Variants in LMF1 observed in about 807,000 individuals in gnomAD.
LMF1 encodes the protein transmembrane protein 112.
Under a neutral mutation model 60.6 loss-of-function variants are expected in LMF1, and 68 were observed. The ratio of observed to expected loss-of-function variants is 1.12; its 90% CI spans 0.92 to 1.37. The LOEUF is 1.37. Ranked by LOEUF, LMF1 falls within the 40% of genes most tolerant of loss-of-function variation. The pLI, the probability that LMF1 is intolerant of heterozygous loss-of-function variation, is 0.00. For synonymous variants in LMF1, 418 were observed against 324.7 expected (o/e 1.29, Z -3.09); for missense variants, 948 against 767.2 (o/e 1.24, Z -2.78).
At chr16:953,916 CCCCAAACCA>C (rs2072576647) in intron 2 of LMF1, among the ~76,000 whole-genome samples, 1 of 106,064 alleles carries the variant, frequency 9.4e-6, no homozygotes, top group Admixed American at 9.7e-5. Context: ...CAGACACCCA[CCCCAAACCA>C]GCTTCCTACA....
chr16:887,544 C>T (rs1284175072), intron 5 of LMF1, among the ~76,000 whole-genome samples: 1 of 152,152 alleles, frequency 6.6e-6, no homozygotes, highest in African/African-American at 2.4e-5. Flanking sequence ...GGGCCATGTC[C>T]CTGGGGGGCG....
Position 878,674 on chromosome 16 carries a change from G to A in LMF1, c.897+896C>T, listed in dbSNP as rs1596885354. Among the ~76,000 whole-genome samples, 1 of 151,526 alleles carries A rather than the reference G, an allele frequency of 6.6e-6. No individual in the cohort carries two copies. The highest frequency in any genetic ancestry group is 2.1e-4 in the South Asian group (1 of 4,812). On this transcript the variant is annotated intron_variant, in intron 6 of 10. Transcript: ENST00000262301. This position sits in a 1 kb window ranked among gnomAD's most constrained non-coding sequence, Gnocchi z 5.2. The stretch of plus-strand genomic sequence containing the variant: ...CGTGCACCAACGTGGCGTGGCACCC[G>A]TGCCTGCTGACGGAGCTTTGCCCCT...
chr16:969,229 C>A lies in LMF1; in HGVS notation c.193+1559G>T, dbSNP rs148004867. Among the ~76,000 whole-genome samples the A allele has an allele frequency of 1.1e-4, 16 of 152,226 alleles. 1 individual carries two copies. In the East Asian group the frequency reaches 3.1e-3, roughly 29 times the overall value. On this transcript the variant is annotated intron_variant, in intron 1 of 10. Transcript: ENST00000262301. ...ACTCGGAAGGCTGAGGCAGGAGAAT[C>A]GCTTGAACCCAGGAGACGGAGGTTG...
At position 897,884 on chromosome 16, in the gene LMF1, T is replaced by C. The variant is rs192036340; in HGVS notation, c.664-4812A>G. 2.6e-5 allele frequency among the ~76,000 whole-genome samples: 4 copies of C among 152,304 alleles called. No homozygotes were observed. The highest frequency in any genetic ancestry group is 4.8e-5 in the African/African-American group (2 of 41,576). On this transcript the variant is annotated intron_variant, in intron 4 of 10. Transcript: ENST00000262301. The surrounding 1 kb of genome is among the most constrained non-coding windows in gnomAD (Gnocchi z 4.3). ...GCCCTCATGCAAGAGAGAACTGGCA[T>C]GGGAGGTGGGCTCCGCCCCCGAGTG...
intron 2 of LMF1, among the ~76,000 whole-genome samples, chr16:944,658 G>A (rs1229224561): frequency 3.9e-5 from 6 of 152,212 alleles, no homozygotes; most frequent in African/African-American, 7.2e-5. Context: ...TGCCATGGAC[G>A]GGCATGGAGT....
chr16:894,792 G>A lies in LMF1; in HGVS notation c.664-1720C>T, dbSNP rs553120473. 3.9e-4 allele frequency among the ~76,000 whole-genome samples: 60 copies of A among 152,348 alleles called. No homozygotes were observed. In the East Asian group the frequency reaches 9.7e-3, roughly 25 times the overall value. On this transcript the variant is annotated intron_variant, in intron 4 of 10. Coordinates refer to ENST00000262301, the MANE Select transcript of LMF1 (RefSeq NM_022773.4). ...TTCGTAATGGCCGCCTCCCATCAGC[G>A]AGTGCTCCCCTCCGTGGGCGTGCTG...
chr16:875,274 A>G (rs968026590), intron 6 of LMF1, among the ~76,000 whole-genome samples: 4 of 152,022 alleles, frequency 2.6e-5, no homozygotes, highest in African/African-American at 4.8e-5. Context: ...AGCGGACTCC[A>G]AAACGGGGCC....
intron 8 of LMF1, 46 bp from the exon 9 acceptor site, chr16:870,112 G>A (rs762475417): frequency 2.5e-6 from 4 of 1,573,134 alleles, no homozygotes; most frequent in African/African-American, 1.3e-5. Flanking sequence ...CACACCGGCT[G>A]GGCCGAGTGG....
At chr16:973,159 AT>A (rs1353674346), upstream of LMF1, among the ~76,000 whole-genome samples, 2 of 152,128 alleles carry the variant, frequency 1.3e-5, no homozygotes, top group Admixed American at 1.3e-4. Flanking sequence ...CCTGGCCAAC[AT>A]GGTGAAACCC....
chr16:959,565 T>C (rs892217030), intron 1 of LMF1, among the ~76,000 whole-genome samples: 2 of 152,138 alleles, frequency 1.3e-5, no homozygotes, highest in Admixed American at 6.5e-5. Flanking sequence ...GGGATGCAGA[T>C]AGAATACAGG....
chr16:895,444 G>A (rs1420157635), intron 4 of LMF1, among the ~76,000 whole-genome samples: 4 of 152,364 alleles, frequency 2.6e-5, no homozygotes, highest in African/African-American at 9.6e-5. Flanking sequence ...CACACGGGAG[G>A]GCCTTCGGGG....
intron 5 of LMF1, among the ~76,000 whole-genome samples, chr16:882,300 C>T (rs1309473534): frequency 6.6e-6 from 1 of 152,272 alleles, no homozygotes; most frequent in Non-Finnish European, 1.5e-5. Context: ...CATGGCTCGC[C>T]TCCCCTGGAA....
intron 1 of LMF1, among the ~76,000 whole-genome samples, chr16:978,574 G>A (rs553085749): frequency 1.3e-5 from 2 of 152,258 alleles, no homozygotes; most frequent in South Asian, 2.1e-4. Context: ...CTCCACGCCC[G>A]GCACTCACGG....
At chr16:869,742 C>A in intron 9 of LMF1, 141 bp downstream of exon 9, 1 of 914,784 alleles carries the variant, frequency 1.1e-6, no homozygotes, top group Non-Finnish European at 1.7e-6. Flanking sequence ...GGGCTCAGTT[C>A]TCAGCTCAGG....
chr16:937,284 A>G (rs569968813), intron 2 of LMF1, among the ~76,000 whole-genome samples: 37 of 152,362 alleles, frequency 2.4e-4, no homozygotes, highest in African/African-American at 8.7e-4. Flanking sequence ...CTCACGTTAG[A>G]AGATACCGAC....
At chr16:940,095 C>CG (rs1161566250) in intron 2 of LMF1, among the ~76,000 whole-genome samples, 1 of 152,060 alleles carries the variant, frequency 6.6e-6, no homozygotes, top group East Asian at 1.9e-4. Context: ...GTCCACAAGC[C>CG]GGGGGTGCCC....
chr16:970,506 C>T (rs1330370202), intron 1 of LMF1, among the ~76,000 whole-genome samples: 1 of 152,202 alleles, frequency 6.6e-6, no homozygotes, highest in Non-Finnish European at 1.5e-5. Flanking sequence ...CGAGCCGGTC[C>T]TGGCAGGCGC....
chr16:944,625 G>A (rs910177061), intron 2 of LMF1, among the ~76,000 whole-genome samples: 2 of 152,232 alleles, frequency 1.3e-5, no homozygotes, highest in Non-Finnish European at 2.9e-5. Flanking sequence ...ATAGTGGGGA[G>A]GCTCGTCCTG....
At chr16:858,840 G>C (rs2069310198) in intron 10 of LMF1, among the ~76,000 whole-genome samples, 1 of 108,070 alleles carries the variant, frequency 9.3e-6, no homozygotes, top group South Asian at 3.6e-4. Context: ...TCACGGGACG[G>C]GTGTGAGTGG....
Sources: allele counts gnomAD v4.1 joint callset (sites outside exome capture counted in the v4.1 genomes callset), GRCh38; gene constraint gnomAD v4.1.1; non-coding constraint Gnocchi (gnomAD v3.1); transcripts MANE v1.5; gene names NCBI Gene and HGNC (gene_info 2026-07-23, HGNC 2026-07-21).